ANKH: variants seen among roughly 807,000 people sequenced by gnomAD.
The protein encoded by ANKH is mineralization regulator ANKH.
A neutral mutation model predicts 49.0 loss-of-function variants in ANKH; 15 were observed. That is an observed-to-expected ratio of 0.31 (90% CI 0.20 to 0.47). The LOEUF is 0.47. ANKH is among the 20% of genes least tolerant of loss of function. ANKH has a pLI of 1.00. For missense variants in ANKH, 429 were observed against 652.0 expected (o/e 0.66, Z 3.72); for synonymous variants, 273 against 260.0 (o/e 1.05, Z -0.48).
chr5:14,841,840 C>A (rs1378170055), intron 1 of ANKH, among the ~76,000 whole-genome samples: 1 of 152,130 alleles, frequency 6.6e-6, no homozygotes, highest in Non-Finnish European at 1.5e-5. Flanking sequence ...CAGTATTTGT[C>A]TATTTGTGAC....
chr5:14,775,865 C>A (rs1322383073), intron 1 of ANKH, among the ~76,000 whole-genome samples: 1 of 152,170 alleles, frequency 6.6e-6, no homozygotes, highest in Non-Finnish European at 1.5e-5. Flanking sequence ...GGGGCTGCCA[C>A]TGGCCTTTGT....
At chr5:14,718,837 C>CCCA (rs1554000296) in intron 8 of ANKH, among the ~76,000 whole-genome samples, 36 of 145,062 alleles carry the variant, frequency 2.5e-4, no homozygotes, top group African/African-American at 9.2e-4. Context: ...CCACCCCCCC[C>CCCA]CCAAAAAAAA....
intron 4 of ANKH, among the ~76,000 whole-genome samples, chr5:14,752,426 G>A (rs1399719068): frequency 6.6e-6 from 1 of 152,174 alleles, no homozygotes; most frequent in Admixed American, 6.5e-5. Flanking sequence ...TAACCAGAGT[G>A]AGAGAATGAA....
In ANKH at chr5:14,798,076, C is replaced by T. The variant is rs1740448518; in HGVS notation, c.97-28885G>A. 5 of 1,581,516 alleles carry T rather than the reference C, an allele frequency of 3.2e-6. No homozygotes were observed. The South Asian group carries it at 5.5e-5, about 17-fold the overall frequency. Reference sequence around the variant, plus strand: ...ATTTCAATTTTTCCACTAACTGAACCAAAACCTCCAAATTCTCCTTTCTCT... The same window carrying T: ...ATTTCAATTTTTCCACTAACTGAACTAAAACCTCCAAATTCTCCTTTCTCT... On this transcript the variant is annotated intron_variant, in intron 1 of 11. Coordinates refer to ENST00000284268, the MANE Select transcript of ANKH (RefSeq NM_054027.6).
intron 4 of ANKH, among the ~76,000 whole-genome samples, chr5:14,753,203 G>C (rs925136360): frequency 3.3e-5 from 5 of 152,176 alleles, no homozygotes; most frequent in African/African-American, 1.2e-4. Flanking sequence ...GGTTGCTGCA[G>C]TTGACTCTGT....
chr5:14,729,570 A>G (rs1020677093), intron 8 of ANKH, among the ~76,000 whole-genome samples: 1 of 151,716 alleles, frequency 6.6e-6, no homozygotes, highest in Non-Finnish European at 1.5e-5. Flanking sequence ...TCTGACTTCT[A>G]GGAGGCGTTT....
intron 1 of ANKH, among the ~76,000 whole-genome samples, chr5:14,807,317 G>A (rs768408301): frequency 1.9e-4 from 29 of 152,056 alleles, no homozygotes; most frequent in East Asian, 1.9e-4. Context: ...GTTTCACCAC[G>A]TTGGCCAGGC....
intron 1 of ANKH, among the ~76,000 whole-genome samples, chr5:14,845,617 G>C (rs956317676): frequency 2.0e-5 from 3 of 152,038 alleles, no homozygotes; most frequent in African/African-American, 4.8e-5. Context: ...AAGAAACATA[G>C]AGAGTGCTGG....
rs1037878488 is a variant in ANKH at position 14,797,233 on chromosome 5, T to G, written c.97-28042A>C. 3.0e-5 allele frequency: 40 copies of G among 1,349,980 alleles called. No homozygotes were observed. The Admixed American group carries it at 6.7e-4, about 23-fold the overall frequency. The allele number at this position is 1,349,980 out of a possible 1,614,324, so 83.6% of individuals were successfully genotyped here. A position where few individuals can be genotyped will look rare whatever the true frequency, so the allele number is the denominator to read the frequency against. ...ATATTGTCTTCCGATACAGAACACA[T>G]CACTCAAGGTTCACTGGGATTCCAG... On this transcript the variant is annotated intron_variant, in intron 1 of 11. Coordinates refer to ENST00000284268, the MANE Select transcript of ANKH (RefSeq NM_054027.6).
intron 1 of ANKH, among the ~76,000 whole-genome samples, chr5:14,804,643 T>C (rs1740652186): frequency 6.6e-6 from 1 of 152,208 alleles, no homozygotes. Flanking sequence ...TAGAATAAAA[T>C]GTTGTGAAAC....
rs1273425197 is a variant in ANKH at position 14,705,453 on chromosome 5, A to G, written c.*5744T>C. ...AATAATGGCTCAAGCCTCCCATTGG[A>G]CAGATGAGCAAGGTGAGGCCAAGAA... On this transcript the variant is annotated 3_prime_UTR_variant, in exon 12 of 12. Coordinates refer to ENST00000284268, the MANE Select transcript of ANKH (RefSeq NM_054027.6). 5 of 152,196 alleles carry G rather than the reference A, an allele frequency of 3.3e-5. No homozygotes were observed. Among genetic ancestry groups the G allele is most frequent in the Non-Finnish European group, 7.3e-5 (5 of 68,048 alleles). The allele number at this position is 152,196 out of a possible 1,614,324, so 9.4% of individuals were successfully genotyped here. A position where few individuals can be genotyped will look rare whatever the true frequency, so the allele number is the denominator to read the frequency against.
chr5:14,787,620 G>GA lies in ANKH; in HGVS notation c.97-18430dup, dbSNP rs549649687. On this transcript the variant is annotated intron_variant, in intron 1 of 11. Transcript: ENST00000284268. ...GATGCTACTTTTATTAATTTAAAAT[G>GA]AAAAAAAATGAAAGCAACTTTATCA... Among the ~76,000 whole-genome samples, 11 of 151,854 alleles carry GA rather than the reference G, an allele frequency of 7.2e-5. No individual in the cohort carries two copies. In the South Asian group the frequency reaches 1.5e-3, roughly 20 times the overall value.
chr5:14,864,174 T>C (rs190044827), intron 1 of ANKH, among the ~76,000 whole-genome samples: 33 of 152,344 alleles, frequency 2.2e-4, no homozygotes, highest in African/African-American at 2.4e-4. Context: ...GTTTGCACCA[T>C]TGTTCTCCAG....
At chr5:14,856,133 A>T (rs188987227) in intron 1 of ANKH, among the ~76,000 whole-genome samples, 305 of 152,024 alleles carry the variant, frequency 2.0e-3, no homozygotes, top group African/African-American at 5.5e-3. Context: ...CAGCCTGGGT[A>T]ACATGGCAGA....
chr5:14,751,046 T>C (rs761149478), intron 5 of ANKH, 23 bp downstream of exon 5: 2 of 1,613,236 alleles, frequency 1.2e-6, no homozygotes, highest in East Asian at 2.2e-5. Flanking sequence ...TCAGACAGAC[T>C]GCTGTTGGGT....
intron 1 of ANKH, among the ~76,000 whole-genome samples, chr5:14,845,911 A>G (rs1014418203): frequency 2.8e-5 from 4 of 140,684 alleles, no homozygotes; most frequent in African/African-American, 8.1e-5. Context: ...TGGAGAGTAC[A>G]ATGGCGCAAT....
chr5:14,836,246 T>C (rs1262970211), intron 1 of ANKH, among the ~76,000 whole-genome samples: 4 of 152,142 alleles, frequency 2.6e-5, no homozygotes, highest in Middle Eastern at 3.4e-3. Flanking sequence ...CTATTCAACA[T>C]AGTGTTGGAA....
chr5:14,749,364 C>A, intron 5 of ANKH, 58 bp from the exon 6 acceptor site: 1 of 1,587,454 alleles, frequency 6.3e-7, no homozygotes, highest in Non-Finnish European at 8.6e-7. Flanking sequence ...ATGGAAAAAA[C>A]GATTCAGAAT....
At chr5:14,810,389 C>A (rs559430506) in intron 1 of ANKH, among the ~76,000 whole-genome samples, 9 of 152,152 alleles carry the variant, frequency 5.9e-5, no homozygotes, top group African/African-American at 1.9e-4. Context: ...AAACTCCTAA[C>A]CTCAGGTGAT....
Sources: allele counts gnomAD v4.1 joint callset (sites outside exome capture counted in the v4.1 genomes callset), GRCh38; gene constraint gnomAD v4.1.1; transcripts MANE v1.5; gene names NCBI Gene and HGNC (gene_info 2026-07-23, HGNC 2026-07-21).